RNF170: variants seen among roughly 807,000 people sequenced by gnomAD.
RNF170 encodes E3 ubiquitin-protein ligase RNF170.
A neutral mutation model predicts 32.7 loss-of-function variants in RNF170; 12 were observed. The observed-to-expected ratio is 0.37, with a 90% CI of 0.24 to 0.60. The LOEUF (loss-of-function observed/expected upper bound fraction) is 0.60, where lower values mean the gene tolerates loss of function less well. Ranked by LOEUF, RNF170 falls within the 20% of genes least tolerant of loss-of-function variation. RNF170 has a pLI of 0.72. For synonymous variants in RNF170, 91 were observed against 103.6 expected (o/e 0.88, Z 0.74); for missense variants, 212 against 311.2 (o/e 0.68, Z 2.40).
chr8:42,877,471 C>T (rs780818333), intron 2 of RNF170, among the ~76,000 whole-genome samples: 2 of 152,174 alleles, frequency 1.3e-5, no homozygotes, highest in Non-Finnish European at 2.9e-5. Flanking sequence ...TGAGCCACCG[C>T]ACCCAGCCTA....
chr8:42,885,396 T>G (rs1448200226), intron 2 of RNF170, among the ~76,000 whole-genome samples: 1 of 152,216 alleles, frequency 6.6e-6, no homozygotes, highest in African/African-American at 2.4e-5. Flanking sequence ...AACATACTGA[T>G]GTAATTTCCT....
At chr8:42,895,172 G>A (rs1238555475) in intron 1 of RNF170, among the ~76,000 whole-genome samples, 1 of 152,022 alleles carries the variant, frequency 6.6e-6, no homozygotes, top group Non-Finnish European at 1.5e-5. Flanking sequence ...AAAATTAGCT[G>A]AGCATCGTGG....
At chr8:42,859,378 G>A (rs1198318068) in intron 6 of RNF170, among the ~76,000 whole-genome samples, 1 of 151,508 alleles carries the variant, frequency 6.6e-6, no homozygotes, top group East Asian at 2.0e-4. Flanking sequence ...GCTCACACCT[G>A]TAATCCCAGC....
At chr8:42,873,843 C>A in intron 3 of RNF170, 88 bp downstream of exon 3, 1 of 811,842 alleles carries the variant, frequency 1.2e-6, no homozygotes, top group Non-Finnish European at 2.1e-6. Flanking sequence ...CCCATGTTTC[C>A]AAAAAGTAAT....
intron 2 of RNF170, among the ~76,000 whole-genome samples, chr8:42,876,657 G>GTTTTT (rs541650996): frequency 2.4e-5 from 3 of 123,030 alleles, no homozygotes; most frequent in African/African-American, 6.4e-5. Flanking sequence ...TTTTTTGTGG[G>GTTTTT]TTTTTTTTTT....
At chr8:42,874,512 G>A (rs1028629828) in intron 2 of RNF170, among the ~76,000 whole-genome samples, 1 of 151,180 alleles carries the variant, frequency 6.6e-6, no homozygotes, top group Non-Finnish European at 1.5e-5. Context: ...AGGCCAAGGC[G>A]GGTGGATCAC....
At chr8:42,865,395 T>C (rs916824999) in intron 5 of RNF170, 21 bp downstream of exon 5, 10 of 1,584,036 alleles carry the variant, frequency 6.3e-6, no homozygotes, top group Non-Finnish European at 8.7e-6. Context: ...TAAATGATAC[T>C]TTCTGCACAC....
chr8:42,861,815 G>A lies in RNF170; in HGVS notation c.437C>T (p.Ser146Phe). ...LLTVFGEDDQSQDVLRLHQDI... is the reference protein window; with the variant it reads ...LLTVFGEDDQFQDVLRLHQDI... Reference sequence around the variant, plus strand: ...CTGATGCAATCTCAGAACATCCTGAGACTGATCATCTTCACCAAATACTGT... The same window carrying A: ...CTGATGCAATCTCAGAACATCCTGAAACTGATCATCTTCACCAAATACTGT... The change falls in exon 6 of 7, where the codon TCT (serine) becomes TTT (phenylalanine). Residue 146 changes from serine (S) to phenylalanine (F), a missense_variant. By Grantham distance (155) the Ser-to-Phe change is radical (BLOSUM62 -2). Coordinates refer to ENST00000527424, the MANE Select transcript of RNF170 (RefSeq NM_030954.4). 1 of 1,613,812 alleles carries A rather than the reference G, an allele frequency of 6.2e-7. No homozygotes were observed. The highest frequency in any genetic ancestry group is 8.5e-7 in the Non-Finnish European group (1 of 1,179,942).
In RNF170 at chr8:42,870,930, C is replaced by T. The variant is rs537693187; in HGVS notation, c.214-818G>A. Among the ~76,000 whole-genome samples, 215 of 152,062 alleles carry T rather than the reference C, an allele frequency of 1.4e-3. 3 individuals are homozygous for T. In the South Asian group the frequency reaches 0.041, roughly 29 times the overall value. The stretch of plus-strand genomic sequence containing the variant: ...GGACCTAGAAAAGTGTCTACATGGC[C>T]GGGCACGGTGGCTCACACCTGTAAC... On this transcript the variant is annotated intron_variant, in intron 3 of 6. Coordinates refer to ENST00000527424, the MANE Select transcript of RNF170 (RefSeq NM_030954.4).
rs992380919 is a variant in RNF170, at chr8:42,855,127, C to T, written c.*1032G>A. On this transcript the variant is annotated 3_prime_UTR_variant, in exon 7 of 7. Transcript: ENST00000527424. Reference sequence around the variant, plus strand: ...CGCCCAGGTTCCTAAAACAATCTTCCCTTTACAAATTACTTTTATATCTAC... The same window carrying T: ...CGCCCAGGTTCCTAAAACAATCTTCTCTTTACAAATTACTTTTATATCTAC... 3 of 1,287,048 alleles carry T rather than the reference C, an allele frequency of 2.3e-6. No individual in the cohort carries two copies. Among genetic ancestry groups the T allele is most frequent in the Non-Finnish European group, 3.0e-6 (3 of 988,682 alleles). The allele number at this position is 1,287,048 out of a possible 1,614,324, so 79.7% of individuals were successfully genotyped here.
At chr8:42,863,165 G>T (rs1215271167) in intron 5 of RNF170, among the ~76,000 whole-genome samples, 1 of 152,208 alleles carries the variant, frequency 6.6e-6, no homozygotes, top group Non-Finnish European at 1.5e-5. Context: ...TTTGCCATCT[G>T]TCTTGCCTCC....
At position 42,855,711 on chromosome 8, in the gene RNF170, TATATA is replaced by T. The variant is rs764710801; in HGVS notation, c.*443_*447del. 81 of 1,265,548 alleles carry T rather than the reference TATATA, an allele frequency of 6.4e-5. No individual in the cohort carries two copies. Among genetic ancestry groups the T allele is most frequent in the Non-Finnish European group, 7.5e-5 (73 of 976,854 alleles). The allele number at this position is 1,265,548 out of a possible 1,614,324, so 78.4% of individuals were successfully genotyped here. On this transcript the variant is annotated 3_prime_UTR_variant, in exon 7 of 7. Transcript: ENST00000527424. ...AGAAATACTGAATTTTCCCCAATAGTATATAATATTTTATTGGAACAAAAATATTT... is the reference window on the plus strand; with the variant it reads ...AGAAATACTGAATTTTCCCCAATAGTATATTTTATTGGAACAAAAATATTT...
At chr8:42,892,679 T>G (rs1474035655) in intron 1 of RNF170, among the ~76,000 whole-genome samples, 11 of 151,784 alleles carry the variant, frequency 7.2e-5, no homozygotes, top group Admixed American at 2.6e-4. Context: ...GCAGCGTTTT[T>G]TTTTTTTTTT....
intron 3 of RNF170, among the ~76,000 whole-genome samples, chr8:42,870,409 T>A (rs1165406971): frequency 1.3e-5 from 2 of 152,206 alleles, no homozygotes; most frequent in Admixed American, 1.3e-4. Flanking sequence ...AACACAAGGC[T>A]GAGCTAGTGC....
In RNF170 at chr8:42,896,512, A is replaced by G. The variant is rs1270668782; in HGVS notation, c.-36T>C. ...TCCACCGCGAAGGAACTACCTCGCC[A>G]GTTCCCGGCGACAGAGGACAGATTA... On this transcript the variant is annotated 5_prime_UTR_variant, in exon 1 of 7. Coordinates refer to ENST00000527424, the MANE Select transcript of RNF170 (RefSeq NM_030954.4). 4.4e-6 allele frequency: 2 copies of G among 453,812 alleles called. No homozygotes were observed. The highest frequency in any genetic ancestry group is 2.0e-5 in the African/African-American group (1 of 49,948). 28.1% of individuals were successfully genotyped at this position (453,812 alleles called of 1,614,324 possible).
In RNF170 at chr8:42,862,086, A is replaced by G. The variant is rs186997678; in HGVS notation, c.397-231T>C. 2.0e-5 allele frequency among the ~76,000 whole-genome samples: 3 copies of G among 152,262 alleles called. No individual in the cohort carries two copies. The East Asian group carries it at 5.8e-4, about 29-fold the overall frequency. The stretch of plus-strand genomic sequence containing the variant: ...CACCATATCCAACTACTGGCCTAAT[A>G]TTTTCCTGTCCACACCAGGGGTAAA... On this transcript the variant is annotated intron_variant, in intron 5 of 6. Transcript: ENST00000527424.
chr8:42,870,214 C>T, intron 3 of RNF170, 102 bp from the exon 4 acceptor site: 1 of 787,310 alleles, frequency 1.3e-6, no homozygotes, highest in South Asian at 1.5e-5. Flanking sequence ...AGTGTGTAAC[C>T]CTCATCAAAC....
chr8:42,862,097 C>T (rs190683327), intron 5 of RNF170, among the ~76,000 whole-genome samples: 1 of 152,104 alleles, frequency 6.6e-6, no homozygotes, highest in African/African-American at 2.4e-5. Context: ...TTTTCCTGTC[C>T]ACACCAGGGG....
chr8:42,873,960 C>A lies in RNF170; in HGVS notation c.184G>T (p.Val62Leu). The A allele has an allele frequency of 6.2e-7, 1 of 1,602,730 alleles. No homozygotes were observed. The change falls in exon 3 of 7, where the codon GTA becomes TTA. Residue 62 changes from valine to leucine, a missense_variant. Physicochemically the swap from Val to Leu is conservative, Grantham distance 32. Transcript: ENST00000527424. ...IHPENQELVR[V>L]LREQLQTEQD... ...TCTGTTTGAAGCTGTTCTCGAAGTACCCTTACTAGCTCCTGGTTTTCTGGG... is the reference window on the plus strand; with the variant it reads ...TCTGTTTGAAGCTGTTCTCGAAGTAACCTTACTAGCTCCTGGTTTTCTGGG...
Sources: allele counts gnomAD v4.1 joint callset (sites outside exome capture counted in the v4.1 genomes callset), GRCh38; gene constraint gnomAD v4.1.1; transcripts MANE v1.5; gene names NCBI Gene and HGNC (gene_info 2026-07-23, HGNC 2026-07-21).